ALK: variants seen among roughly 807,000 people sequenced by gnomAD.
ALK encodes the protein ALK tyrosine kinase receptor.
In ALK, 74 loss-of-function variants were observed where a neutral mutation model predicts 163.1. The observed-to-expected ratio is 0.45, with a 90% CI of 0.38 to 0.55. ALK has a LOEUF of 0.55. Ranked by LOEUF, ALK falls within the 20% of genes least tolerant of loss-of-function variation. ALK has a pLI of 0.00. For missense variants in ALK, 2,063 were observed against 2,105.3 expected, an observed-to-expected ratio of 0.98 and a Z score of 0.39; for synonymous variants, 960 against 843.2, an observed-to-expected ratio of 1.14 and a Z score of -2.40.
rs867516619 is a variant in ALK at position 29,566,448 on chromosome 2, G to A, written c.953-34332C>T. Among the ~76,000 whole-genome samples, 31 of 152,332 alleles carry A rather than the reference G, an allele frequency of 2.0e-4. 1 individual carries two copies. The highest frequency in any genetic ancestry group is 6.8e-3 in the Middle Eastern group (2 of 294). ...CATGGAACTTTGATGATAGTTGGGA[G>A]TAGGGTATCCCAAGTACACTCATGT... On this transcript the variant is annotated intron_variant, in intron 3 of 28. Coordinates refer to ENST00000389048, the MANE Select transcript of ALK (RefSeq NM_004304.5).
chr2:29,517,542 A>G (rs1282069168), intron 4 of ALK, among the ~76,000 whole-genome samples: 2 of 152,166 alleles, frequency 1.3e-5, no homozygotes, highest in Non-Finnish European at 2.9e-5. Context: ...GGAGTCCATT[A>G]CCAGTTTAGG....
intron 1 of ALK, among the ~76,000 whole-genome samples, chr2:29,740,174 C>T: frequency 6.6e-6 from 1 of 151,916 alleles, no homozygotes; most frequent in East Asian, 1.9e-4. Context: ...GTTTTCAGTC[C>T]CTAACTATGC....
At chr2:29,210,556 C>G (rs1189282582) in intron 24 of ALK, among the ~76,000 whole-genome samples, 1 of 152,120 alleles carries the variant, frequency 6.6e-6, no homozygotes, top group Admixed American at 6.6e-5. Context: ...TTTCAGCCTC[C>G]CAAGTAGCTG....
rs543387085 is a variant in ALK at position 29,733,817 on chromosome 2, G to A, written c.668-16120C>T. 1.3e-4 allele frequency among the ~76,000 whole-genome samples: 20 copies of A among 152,206 alleles called. No homozygotes were observed. In the South Asian group the frequency reaches 2.9e-3, roughly 22 times the overall value. ...AATCCAGACACACCCACGGGGATCCGGCAGGTTTTCAGGGCTGTGCAGGCA... is the reference window on the plus strand; with the variant it reads ...AATCCAGACACACCCACGGGGATCCAGCAGGTTTTCAGGGCTGTGCAGGCA... On this transcript the variant is annotated intron_variant, in intron 1 of 28. Transcript: ENST00000389048.
At chr2:29,508,733 C>CAAAAAAAA (rs60719550) in intron 4 of ALK, among the ~76,000 whole-genome samples, 31 of 65,496 alleles carry the variant, frequency 4.7e-4, no homozygotes, top group African/African-American at 1.3e-3. Flanking sequence ...ATCTGCAACT[C>CAAAAAAAA]AAAAAAAAAA....
At chr2:29,848,723 A>G (rs1003851553) in intron 1 of ALK, among the ~76,000 whole-genome samples, 1 of 152,130 alleles carries the variant, frequency 6.6e-6, no homozygotes, top group Non-Finnish European at 1.5e-5. Context: ...GGTGGGGGCT[A>G]TGTCGCTCTG....
intron 15 of ALK, among the ~76,000 whole-genome samples, chr2:29,230,854 A>G (rs1010920643): frequency 3.3e-5 from 5 of 151,916 alleles, no homozygotes; most frequent in African/African-American, 1.2e-4. Flanking sequence ...GTGTTTGTGC[A>G]CGGCTGTGAG....
At chr2:29,785,021 A>G (rs1422742196) in intron 1 of ALK, among the ~76,000 whole-genome samples, 3 of 152,124 alleles carry the variant, frequency 2.0e-5, no homozygotes, top group African/African-American at 4.8e-5. Context: ...AACCACTGAC[A>G]AGAAGTATCC....
At chr2:29,636,030 G>A (rs909808420) in intron 3 of ALK, among the ~76,000 whole-genome samples, 3 of 152,100 alleles carry the variant, frequency 2.0e-5, no homozygotes, top group Non-Finnish European at 4.4e-5. Context: ...AGAATCCCAG[G>A]AAGATTCTTG....
chr2:29,241,748 G>A (rs1241365350), intron 12 of ALK, among the ~76,000 whole-genome samples: 1 of 152,072 alleles, frequency 6.6e-6, no homozygotes, highest in African/African-American at 2.4e-5. Context: ...AATGTGCCAG[G>A]CACAATGCAT....
intron 3 of ALK, among the ~76,000 whole-genome samples, chr2:29,691,722 C>T (rs971324838): frequency 6.6e-6 from 1 of 152,056 alleles, no homozygotes; most frequent in African/African-American, 2.4e-5. Flanking sequence ...TTTGTCATAG[C>T]ACTCAGTGTA....
At chr2:29,239,981 C>G in intron 12 of ALK, 151 bp from the exon 13 acceptor site, 1 of 953,142 alleles carries the variant, frequency 1.0e-6, no homozygotes, top group Non-Finnish European at 1.5e-6. Context: ...GGATTCTTCT[C>G]CCCCACTTCA....
chr2:29,286,865 ACT>A (rs1230578649), intron 9 of ALK: 2 of 151,686 alleles, frequency 1.3e-5, no homozygotes, highest in Non-Finnish European at 2.9e-5. Context: ...CTCAAGTGAC[ACT>A]CTGATAGATG....
chr2:29,380,581 G>A (rs1290981230), intron 5 of ALK, among the ~76,000 whole-genome samples: 1 of 151,980 alleles, frequency 6.6e-6, no homozygotes, highest in Non-Finnish European at 1.5e-5. Flanking sequence ...ACCACGCCTG[G>A]CTAATTTTTG....
At chr2:29,883,135 A>AAAAAAG (rs199719696) in intron 1 of ALK, among the ~76,000 whole-genome samples, 3 of 152,072 alleles carry the variant, frequency 2.0e-5, no homozygotes, top group Admixed American at 6.6e-5. Context: ...AGGTAAAAGA[A>AAAAAAG]AAAAAGAAAA....
chr2:29,423,833 CAAAT>C (rs1670075138), intron 4 of ALK, among the ~76,000 whole-genome samples: 1 of 152,122 alleles, frequency 6.6e-6, no homozygotes, highest in African/African-American at 2.4e-5. Context: ...CTAAGAATGA[CAAAT>C]GAACAGAGGG....
chr2:29,788,897 T>C (rs1162335399), intron 1 of ALK, among the ~76,000 whole-genome samples: 5 of 152,234 alleles, frequency 3.3e-5, no homozygotes, highest in Non-Finnish European at 7.3e-5. Context: ...ACTTTCTATA[T>C]TGACACTTCT....
intron 5 of ALK, among the ~76,000 whole-genome samples, chr2:29,382,649 T>A (rs1668928696): frequency 6.6e-6 from 1 of 152,218 alleles, no homozygotes; most frequent in South Asian, 2.1e-4. Flanking sequence ...GGACTGATGA[T>A]GTCCAGAGAC....
At chr2:29,550,344 A>T (rs1673681846) in intron 3 of ALK, among the ~76,000 whole-genome samples, 1 of 152,208 alleles carries the variant, frequency 6.6e-6, no homozygotes, top group Non-Finnish European at 1.5e-5. Flanking sequence ...GAGCTCCATG[A>T]AGATGACTAG....
Sources: allele counts gnomAD v4.1 joint callset (sites outside exome capture counted in the v4.1 genomes callset), GRCh38; gene constraint gnomAD v4.1.1; transcripts MANE v1.5; gene names NCBI Gene and HGNC (gene_info 2026-07-23, HGNC 2026-07-21).